TRHDE: variants seen among roughly 807,000 people sequenced by gnomAD.
The protein encoded by TRHDE is thyrotropin releasing hormone degrading enzyme.
TRHDE carries 72 observed loss-of-function variants against 125.7 expected under a neutral mutation model. That is an observed-to-expected ratio of 0.57 (90% CI 0.47 to 0.70). The LOEUF (loss-of-function observed/expected upper bound fraction) is 0.70, where lower values mean the gene tolerates loss of function less well. Among genes scored for constraint, TRHDE ranks in the 30% least tolerant of loss-of-function variants. The pLI is 0.00. For missense variants in TRHDE, 1,110 were observed against 1,327.1 expected (o/e 0.84, Z 2.54); for synonymous variants, 509 against 509.1 (o/e 1.00, Z 0.00).
At chr12:72,507,248 G>A (rs143003287) in intron 6 of TRHDE, among the ~76,000 whole-genome samples, 3 of 152,304 alleles carry the variant, frequency 2.0e-5, no homozygotes, top group Non-Finnish European at 4.4e-5. Flanking sequence ...GTGGGGCATT[G>A]CTGTAAAGAT....
At chr12:72,485,847 C>G (rs1349668669) in intron 5 of TRHDE, among the ~76,000 whole-genome samples, 1 of 152,160 alleles carries the variant, frequency 6.6e-6, no homozygotes, top group Non-Finnish European at 1.5e-5. Flanking sequence ...TCTAAGATGT[C>G]CCACTTCTGT....
intron 3 of TRHDE, among the ~76,000 whole-genome samples, chr12:72,437,161 G>A (rs554542677): frequency 6.6e-6 from 1 of 151,930 alleles, no homozygotes; most frequent in African/African-American, 2.4e-5. Flanking sequence ...GTATAAAATA[G>A]CAATGATAAT....
intron 18 of TRHDE, among the ~76,000 whole-genome samples, chr12:72,660,109 G>A (rs562803417): frequency 6.6e-6 from 1 of 152,214 alleles, no homozygotes; most frequent in East Asian, 1.9e-4. Context: ...TGGGACAGGG[G>A]GCCCTTCCCT....
chr12:72,465,319 C>T (rs1876318720), intron 3 of TRHDE, among the ~76,000 whole-genome samples: 1 of 152,016 alleles, frequency 6.6e-6, no homozygotes, highest in South Asian at 2.1e-4. Context: ...AAATTATCAC[C>T]ATAATGAACA....
intron 2 of TRHDE, chr12:72,303,027 A>G (rs1250075376): frequency 1.3e-5 from 2 of 152,218 alleles, no homozygotes; most frequent in Non-Finnish European, 2.9e-5. Context: ...CTATGCTTGA[A>G]TAATGACTTT....
At position 72,304,901 on chromosome 12, in the gene TRHDE, C is replaced by T. The variant is rs1031130471; in HGVS notation, c.1188+17947C>T. 5.3e-5 allele frequency among the ~76,000 whole-genome samples: 8 copies of T among 152,238 alleles called. 1 individual carries two copies. In the South Asian group the frequency reaches 1.0e-3, roughly 20 times the overall value. On this transcript the variant is annotated intron_variant, in intron 2 of 18. Coordinates refer to ENST00000261180, the MANE Select transcript of TRHDE (RefSeq NM_013381.3). ...TGATGTCTCTAGGGAAGTATTTCCT[C>T]TGTAAGCAGGTTGTATAGGGTTATA... is the stretch of plus-strand genomic sequence containing the variant.
intron 2 of TRHDE, among the ~76,000 whole-genome samples, chr12:72,292,895 G>C (rs756135376): frequency 6.6e-6 from 1 of 152,100 alleles, no homozygotes; most frequent in Admixed American, 6.5e-5. Context: ...TGCTCACTGC[G>C]GAGAGTAGTG....
intron 2 of TRHDE, among the ~76,000 whole-genome samples, chr12:72,336,417 C>A: frequency 6.6e-6 from 1 of 152,182 alleles, no homozygotes; most frequent in East Asian, 1.9e-4. Context: ...ATTGTCCTCT[C>A]CATGAAATTT....
chr12:72,452,064 A>G (rs1875603982), intron 3 of TRHDE, among the ~76,000 whole-genome samples: 1 of 152,138 alleles, frequency 6.6e-6, no homozygotes, highest in Non-Finnish European at 1.5e-5. Context: ...CCTGGCCTCA[A>G]GTGATCTGCC....
intron 3 of TRHDE, among the ~76,000 whole-genome samples, chr12:72,428,987 A>G (rs1874307988): frequency 6.6e-6 from 1 of 152,098 alleles, no homozygotes; most frequent in African/African-American, 2.4e-5. Flanking sequence ...TTTGTGACAC[A>G]TATACACCAT....
intron 2 of TRHDE, among the ~76,000 whole-genome samples, chr12:72,111,724 A>G (rs993775867): frequency 5.3e-5 from 8 of 152,176 alleles, no homozygotes; most frequent in Non-Finnish European, 1.2e-4. Flanking sequence ...CTTCTGAGGC[A>G]TTTTTAGCCT....
intron 2 of TRHDE, among the ~76,000 whole-genome samples, chr12:72,209,765 A>G (rs191063309): frequency 1.1e-4 from 16 of 152,322 alleles, no homozygotes; most frequent in African/African-American, 3.4e-4. Context: ...TTTATACTCT[A>G]TTCCAGAACT....
At chr12:72,319,724 A>C (rs1455267531) in intron 2 of TRHDE, among the ~76,000 whole-genome samples, 1 of 152,176 alleles carries the variant, frequency 6.6e-6, no homozygotes, top group Non-Finnish European at 1.5e-5. Flanking sequence ...TTGCACTGAG[A>C]GATAATAAGA....
At chr12:72,323,439 G>A (rs1379331286) in intron 2 of TRHDE, among the ~76,000 whole-genome samples, 1 of 152,084 alleles carries the variant, frequency 6.6e-6, no homozygotes. Flanking sequence ...TCTAAGAAAA[G>A]GGCAGTAACC....
chr12:72,107,992 T>C (rs1483037716), intron 2 of TRHDE, among the ~76,000 whole-genome samples: 2 of 152,042 alleles, frequency 1.3e-5, no homozygotes, highest in Non-Finnish European at 2.9e-5. Context: ...TCCTCGGGTG[T>C]TTTTTCACAG....
intron 2 of TRHDE, among the ~76,000 whole-genome samples, chr12:72,307,935 A>G (rs1454432178): frequency 6.6e-6 from 1 of 152,222 alleles, no homozygotes; most frequent in East Asian, 1.9e-4. Context: ...AGTTTTTATT[A>G]CAAATCAGAT....
intron 15 of TRHDE, among the ~76,000 whole-genome samples, chr12:72,638,356 G>C (rs1443907386): frequency 5.3e-5 from 8 of 152,004 alleles, no homozygotes; most frequent in African/African-American, 1.9e-4. Context: ...CCATTTGCTT[G>C]GTAGATCTTC....
intron 6 of TRHDE, among the ~76,000 whole-genome samples, chr12:72,505,506 G>T (rs190228304): frequency 6.6e-6 from 1 of 152,028 alleles, no homozygotes; most frequent in Admixed American, 6.6e-5. Context: ...AGGTGGAGAG[G>T]GTTGCTACAA....
chr12:72,476,955 C>A (rs1208311254), intron 5 of TRHDE, among the ~76,000 whole-genome samples: 1 of 152,052 alleles, frequency 6.6e-6, no homozygotes, highest in Non-Finnish European at 1.5e-5. Context: ...TGTCCTCTAG[C>A]AAACTAATCA....
Sources: allele counts gnomAD v4.1 joint callset (sites outside exome capture counted in the v4.1 genomes callset), GRCh38; gene constraint gnomAD v4.1.1; transcripts MANE v1.5; gene names NCBI Gene and HGNC (gene_info 2026-07-23, HGNC 2026-07-21).